The following MAP3K20 variants were observed in gnomAD, a reference collection of about 807,000 sequenced individuals.
The protein encoded by MAP3K20 is HCCS-4.
In MAP3K20, 40 loss-of-function variants were observed where a neutral mutation model predicts 85.7. The ratio of observed to expected loss-of-function variants is 0.47; its 90% CI spans 0.36 to 0.61. The LOEUF is 0.61. Ranked by LOEUF, MAP3K20 falls within the 20% of genes least tolerant of loss-of-function variation. The pLI is 0.00. For synonymous variants in MAP3K20, 325 were observed against 327.7 expected (o/e 0.99, Z 0.09); for missense variants, 817 against 961.7 (o/e 0.85, Z 1.99).
At chr2:173,257,931 T>C (rs1323127706) in intron 16 of MAP3K20, among the ~76,000 whole-genome samples, 3 of 152,214 alleles carry the variant, frequency 2.0e-5, no homozygotes, top group African/African-American at 7.2e-5. Flanking sequence ...TTTCATTATA[T>C]GGTGATTTTA....
intron 2 of MAP3K20, among the ~76,000 whole-genome samples, chr2:173,108,418 A>G (rs1482008161): frequency 6.6e-6 from 1 of 152,230 alleles, no homozygotes; most frequent in Non-Finnish European, 1.5e-5. Context: ...GGCGTGAGCC[A>G]CCGCGCCCGG....
At chr2:173,162,620 A>G (rs1029523279) in intron 2 of MAP3K20, among the ~76,000 whole-genome samples, 1 of 148,024 alleles carries the variant, frequency 6.8e-6, no homozygotes, top group Non-Finnish European at 1.5e-5. Context: ...CAGGAGGCGG[A>G]GGTTGCAGTG....
In MAP3K20 at chr2:173,217,230, A is replaced by T. The variant is rs759423037; in HGVS notation, c.967A>T (p.Thr323Ser). The T allele has an allele frequency of 1.3e-6, 2 of 1,596,114 alleles. No homozygotes were observed. Among genetic ancestry groups the T allele is most frequent in the East Asian group, 4.6e-5 (2 of 43,794 alleles). Residue 323 changes from threonine to serine, a missense_variant, in exon 11 of 20, where the codon ACA (threonine) becomes TCA (serine). Thr to Ser is a moderately conservative substitution (Grantham distance 58). This residue lies in a region of MAP3K20 where 158 missense variants were observed against 162.0 expected (regional missense o/e 0.98). Coordinates refer to ENST00000375213, the MANE Select transcript of MAP3K20 (RefSeq NM_016653.3). The part of the protein sequence containing the change: ...RRLKMWEQKL[T>S]EQSNTPLLPS... ...TTTAAAGATGTGGGAGCAAAAGCTG[A>T]CAGAGCAGTCCAACACCCCGGTGAG...
chr2:173,216,903 A>G (rs545189749), intron 10 of MAP3K20, among the ~76,000 whole-genome samples: 1 of 152,252 alleles, frequency 6.6e-6, no homozygotes, highest in East Asian at 1.9e-4. Context: ...GCCCTTCAAC[A>G]CTTTGTTGAA....
intron 16 of MAP3K20, among the ~76,000 whole-genome samples, chr2:173,256,108 T>C (rs12104676): frequency 0.18 from 27,779 of 152,278 alleles, 3,790 homozygotes; most frequent in African/African-American, 0.38. Flanking sequence ...ACATGGGCCC[T>C]GCTTGGCTTG....
At position 173,116,141 on chromosome 2, in the gene MAP3K20, T is replaced by G. The variant is rs190494699; in HGVS notation, c.159+24951T>G. Among the ~76,000 whole-genome samples, 48 of 152,282 alleles carry G rather than the reference T, an allele frequency of 3.2e-4. No individual in the cohort carries two copies. In the East Asian group the frequency reaches 8.7e-3, roughly 28 times the overall value. On this transcript the variant is annotated intron_variant, in intron 2 of 19. Coordinates refer to ENST00000375213, the MANE Select transcript of MAP3K20 (RefSeq NM_016653.3). Reference sequence around the variant, plus strand: ...AGCTGGGATTACAGGTGTGAGACATTGTGCCTGGCCTATTATATATTTTGA... The same window carrying G: ...AGCTGGGATTACAGGTGTGAGACATGGTGCCTGGCCTATTATATATTTTGA...
chr2:173,223,043 T>C, intron 11 of MAP3K20: 2 of 985,444 alleles, frequency 2.0e-6, no homozygotes, highest in Non-Finnish European at 1.2e-6. Context: ...CTAACAGTAT[T>C]TCTAACTATA....
At chr2:173,222,135 A>G (rs1230481877) in intron 11 of MAP3K20, 2 of 912,274 alleles carry the variant, frequency 2.2e-6, no homozygotes, top group African/African-American at 1.8e-5. Context: ...CCTAGCAATC[A>G]GTCAGGGCTG....
At chr2:173,237,019 C>CTTTTTTTTTTTT (rs368196400) in intron 14 of MAP3K20, among the ~76,000 whole-genome samples, 3 of 75,538 alleles carry the variant, frequency 4.0e-5, no homozygotes, top group African/African-American at 5.4e-5. Flanking sequence ...GTATATCCAC[C>CTTTTTTTTTTTT]TTTTTTTTTT....
intron 4 of MAP3K20, among the ~76,000 whole-genome samples, chr2:173,184,954 A>AG (rs1559267937): frequency 6.6e-6 from 1 of 151,424 alleles, no homozygotes; most frequent in East Asian, 1.9e-4. Flanking sequence ...AAAATAAGGA[A>AG]GGAGAGGCCA....
intron 16 of MAP3K20, among the ~76,000 whole-genome samples, chr2:173,251,602 A>G (rs973687700): frequency 5.9e-5 from 9 of 152,366 alleles, no homozygotes; most frequent in African/African-American, 2.2e-4. Context: ...GTCAAATTTC[A>G]TCTATGGTGA....
chr2:173,239,282 A>G (rs977521781), intron 15 of MAP3K20, 122 bp from the exon 16 acceptor site: 1 of 758,632 alleles, frequency 1.3e-6, no homozygotes, highest in African/African-American at 1.8e-5. Context: ...TTAATCCAAA[A>G]TAACCAAAAG....
At chr2:173,184,802 C>T (rs1265634406) in intron 4 of MAP3K20, among the ~76,000 whole-genome samples, 1 of 151,934 alleles carries the variant, frequency 6.6e-6, no homozygotes, top group Non-Finnish European at 1.5e-5. Context: ...ATAGTCCCAG[C>T]TCCTTGGGAG....
chr2:173,165,396 G>A (rs552407419), intron 2 of MAP3K20, among the ~76,000 whole-genome samples: 4 of 152,184 alleles, frequency 2.6e-5, no homozygotes, highest in South Asian at 2.1e-4. Flanking sequence ...CAGCCTGGGC[G>A]ACAGAGTGAG....
chr2:173,145,563 G>A (rs1183933538), intron 2 of MAP3K20, among the ~76,000 whole-genome samples: 6 of 152,180 alleles, frequency 3.9e-5, no homozygotes, highest in Non-Finnish European at 2.9e-5. Flanking sequence ...AAACCACAGT[G>A]AGACCCATTT....
intron 2 of MAP3K20, among the ~76,000 whole-genome samples, chr2:173,150,437 C>T (rs1349708605): frequency 6.6e-6 from 1 of 152,180 alleles, no homozygotes; most frequent in Non-Finnish European, 1.5e-5. Context: ...GTGTCCTACA[C>T]AGGGTTGTTT....
chr2:173,134,393 CATATATATAT>C lies in MAP3K20; in HGVS notation c.160-35385_160-35376del, dbSNP rs1162728873. On this transcript the variant is annotated intron_variant, in intron 2 of 19. Transcript: ENST00000375213. ...GTGTGTGTGTGTGTGTGTCTCTATA[CATATATATAT>C]ATATATATATATATATATATATATA... is the stretch of plus-strand genomic sequence containing the variant. Among the ~76,000 whole-genome samples the C allele has an allele frequency of 1.4e-3, 17 of 12,334 alleles. 1 individual carries two copies. Among genetic ancestry groups the C allele is most frequent in the Middle Eastern group, 0.25 (2 of 8 alleles). The allele number at this position is 12,334 out of a possible 152,430, so 8.1% of individuals were successfully genotyped here.
chr2:173,217,229 G>A lies in MAP3K20; in HGVS notation c.966G>A (p.Leu322=), dbSNP rs751454307. 6.3e-7 allele frequency: 1 copy of A among 1,596,374 alleles called. No homozygotes were observed. The highest frequency in any genetic ancestry group is 1.7e-5 in the Admixed American group (1 of 58,458). Residue 322 remains leucine, a synonymous_variant, in exon 11 of 20, where the codon CTG becomes CTA. Coordinates refer to ENST00000375213, the MANE Select transcript of MAP3K20 (RefSeq NM_016653.3). The part of the protein sequence containing the change: ...ERRLKMWEQK[L]TEQSNTPLLP... The stretch of plus-strand genomic sequence containing the variant: ...GTTTAAAGATGTGGGAGCAAAAGCT[G>A]ACAGAGCAGTCCAACACCCCGGTGA...
chr2:173,250,754 T>A (rs1685023617), intron 16 of MAP3K20, among the ~76,000 whole-genome samples: 1 of 152,198 alleles, frequency 6.6e-6, no homozygotes, highest in African/African-American at 2.4e-5. Context: ...CTGCAACCTA[T>A]ACGCGCTGAA....
Sources: allele counts gnomAD v4.1 joint callset (sites outside exome capture counted in the v4.1 genomes callset), GRCh38; gene constraint gnomAD v4.1.1; regional missense constraint gnomAD v4.1.1; transcripts MANE v1.5; gene names NCBI Gene and HGNC (gene_info 2026-07-23, HGNC 2026-07-21).